SH2B3: variants seen among roughly 807,000 people sequenced by gnomAD.
The protein encoded by SH2B3 is SH2B adapter protein 3.
SH2B3 carries 43 observed loss-of-function variants against 51.9 expected under a neutral mutation model. That is an observed-to-expected ratio of 0.83 (90% CI 0.65 to 1.07). SH2B3 has a LOEUF of 1.07. SH2B3 is among the 50% of genes least tolerant of loss of function. The probability of loss-of-function intolerance (pLI) is 0.00; values close to 1 mark genes in which losing one functional copy is unlikely to be tolerated. For synonymous variants in SH2B3, 396 were observed against 376.0 expected, an observed-to-expected ratio of 1.05 and a Z score of -0.62; for missense variants, 952 against 834.3, an observed-to-expected ratio of 1.14 and a Z score of -1.74.
At chr12:111,442,491 A>C (rs1382028195) in intron 2 of SH2B3, among the ~76,000 whole-genome samples, 4 of 152,288 alleles carry the variant, frequency 2.6e-5, no homozygotes, top group African/African-American at 9.6e-5. Flanking sequence ...ATGTGGGCTC[A>C]AAGGCTCTGG....
At chr12:111,446,210 C>G (rs1194115448) in intron 2 of SH2B3, among the ~76,000 whole-genome samples, 1 of 152,240 alleles carries the variant, frequency 6.6e-6, no homozygotes, top group African/African-American at 2.4e-5. Flanking sequence ...CAGGAAGCAT[C>G]TGCAGGGTCA....
chr12:111,435,099 C>T lies in SH2B3; in HGVS notation c.733-11654C>T. 2.5e-6 allele frequency: 3 copies of T among 1,215,692 alleles called. No homozygotes were observed. Among genetic ancestry groups the T allele is most frequent in the South Asian group, 1.3e-5 (1 of 74,178 alleles). 75.3% of individuals were successfully genotyped at this position (1,215,692 alleles called of 1,614,324 possible). On this transcript the variant is annotated intron_variant, in intron 2 of 7. Coordinates refer to ENST00000341259, the MANE Select transcript of SH2B3 (RefSeq NM_005475.3). The surrounding 1 kb of genome is among the most constrained non-coding windows in gnomAD (Gnocchi z 4.8). ...GATGAGTCCCCTCTCCTCTGGTGCA[C>T]TCTCCCCACCCGAGACGGGCGACAG... is the stretch of plus-strand genomic sequence containing the variant.
rs1295065051 is a variant in SH2B3 at position 111,447,185 on chromosome 12, C to A, written c.987C>A (p.Ser329Arg). ...CAGCCCTAGAGCCTAGCACGTCCAG[C>A]TCCCCAAGGGGCAGCACAGATTCCC... ...IPSALEPSTS[S>R]SPRGSTDSLN... The change falls in exon 5 of 8, where the codon AGC (serine) becomes AGA (arginine). Residue 329 changes from serine to arginine, a missense_variant. Physicochemically the swap from Ser to Arg is moderately radical, Grantham distance 110 (BLOSUM62 -1). Transcript: ENST00000341259. The A allele has an allele frequency of 5.6e-6, 9 of 1,613,940 alleles. No individual in the cohort carries two copies. The East Asian group carries it at 2.0e-4, about 36-fold the overall frequency.
At position 111,434,753 on chromosome 12, in the gene SH2B3, T is replaced by G. The variant is rs535101869; in HGVS notation, c.733-12000T>G. ...CTTTTAATTATTTAATCCAGCTGGC[T>G]TTTGTTATGGGTGGCTGGTGTGATT... On this transcript the variant is annotated intron_variant, in intron 2 of 7. Transcript: ENST00000341259. 136 of 1,432,194 alleles carry G rather than the reference T, an allele frequency of 9.5e-5. No individual in the cohort carries two copies. The African/African-American group carries it at 1.8e-3, about 19-fold the overall frequency. 88.7% of individuals were successfully genotyped at this position (1,432,194 alleles called of 1,614,324 possible).
intron 2 of SH2B3, among the ~76,000 whole-genome samples, chr12:111,437,958 A>G (rs1873035741): frequency 6.6e-6 from 1 of 152,222 alleles, no homozygotes; most frequent in East Asian, 1.9e-4. Context: ...CCCAACCCCA[A>G]GAGGAACTCT....
chr12:111,411,864 C>T (rs1050619508), intron 1 of SH2B3, among the ~76,000 whole-genome samples: 4 of 152,352 alleles, frequency 2.6e-5, no homozygotes, highest in African/African-American at 9.6e-5. Context: ...CTGCCCCTCA[C>T]CTGGCTGCAG....
chr12:111,441,210 T>C (rs1205154632), intron 2 of SH2B3, among the ~76,000 whole-genome samples: 1 of 151,958 alleles, frequency 6.6e-6, no homozygotes, highest in Non-Finnish European at 1.5e-5. Context: ...ATCCTATCTC[T>C]ATCTCTACAA....
At chr12:111,419,778 A>G (rs1353365152) in intron 2 of SH2B3, among the ~76,000 whole-genome samples, 1 of 152,262 alleles carries the variant, frequency 6.6e-6, no homozygotes, top group African/African-American at 2.4e-5. Flanking sequence ...GCACGGGTAC[A>G]TCACTATTAG....
intron 1 of SH2B3, among the ~76,000 whole-genome samples, chr12:111,414,589 CAA>C (rs34941106): frequency 7.7e-5 from 10 of 129,862 alleles, no homozygotes; most frequent in Admixed American, 1.6e-4. Flanking sequence ...GACCCTGTCT[CAA>C]AAAAAAAAAA....
At position 111,449,092 on chromosome 12, in the gene SH2B3, G is replaced by C. The variant is rs1006493333; in HGVS notation, c.*790G>C. 3 of 152,594 alleles carry C rather than the reference G, an allele frequency of 2.0e-5. No homozygotes were observed. Among genetic ancestry groups the C allele is most frequent in the African/African-American group, 7.2e-5 (3 of 41,456 alleles). 9.5% of individuals were successfully genotyped at this position (152,594 alleles called of 1,614,324 possible). A position where few individuals can be genotyped will look rare whatever the true frequency, so the allele number is the denominator to read the frequency against. On this transcript the variant is annotated 3_prime_UTR_variant, in exon 8 of 8. Coordinates refer to ENST00000341259, the MANE Select transcript of SH2B3 (RefSeq NM_005475.3). ...GGCCACTGTCCTTCCTAAATGTCAAGAAGTGAAGTATGTCACCCTTTCAGG... is the reference window on the plus strand; with the variant it reads ...GGCCACTGTCCTTCCTAAATGTCAACAAGTGAAGTATGTCACCCTTTCAGG...
At chr12:111,414,277 A>C (rs1426035062) in intron 1 of SH2B3, among the ~76,000 whole-genome samples, 1 of 152,186 alleles carries the variant, frequency 6.6e-6, no homozygotes, top group Non-Finnish European at 1.5e-5. Flanking sequence ...TGCGGGTCCC[A>C]AGGACCCTGT....
At chr12:111,437,466 C>G (rs763157785) in intron 2 of SH2B3, among the ~76,000 whole-genome samples, 2 of 152,162 alleles carry the variant, frequency 1.3e-5, no homozygotes, top group Non-Finnish European at 2.9e-5. Context: ...GTCTAGGAGC[C>G]GCTGCCCTGT....
intron 1 of SH2B3, among the ~76,000 whole-genome samples, chr12:111,416,384 A>C (rs1452723985): frequency 3.3e-5 from 5 of 152,224 alleles, no homozygotes. Context: ...CCTATGAAGT[A>C]GGCATGATCA....
At chr12:111,404,967 G>A (rs1372801028), upstream of SH2B3, among the ~76,000 whole-genome samples, 1 of 152,176 alleles carries the variant, frequency 6.6e-6, no homozygotes, top group Non-Finnish European at 1.5e-5. Context: ...TGGGGGCGTG[G>A]GCGACTTGTT....
At chr12:111,432,516 T>C (rs188255648) in intron 2 of SH2B3, among the ~76,000 whole-genome samples, 75 of 152,350 alleles carry the variant, frequency 4.9e-4, no homozygotes, top group Non-Finnish European at 5.7e-4. Flanking sequence ...TATTGAGATA[T>C]AATTTACAAA....
At chr12:111,436,460 C>T (rs1252034187) in intron 2 of SH2B3, among the ~76,000 whole-genome samples, 4 of 152,192 alleles carry the variant, frequency 2.6e-5, no homozygotes, top group Non-Finnish European at 5.9e-5. Flanking sequence ...CCACCATAGC[C>T]GACTCGAGAG....
chr12:111,445,887 G>A (rs962507495), intron 2 of SH2B3, among the ~76,000 whole-genome samples: 1 of 152,254 alleles, frequency 6.6e-6, no homozygotes, highest in African/African-American at 2.4e-5. Context: ...CCAGTCCAAG[G>A]TATGCCCTTT....
intron 2 of SH2B3, among the ~76,000 whole-genome samples, chr12:111,430,532 G>C (rs1050332363): frequency 6.6e-6 from 1 of 152,020 alleles, no homozygotes; most frequent in Non-Finnish European, 1.5e-5. Context: ...GTTTGTTTTC[G>C]AGGCTGGTAT....
chr12:111,428,800 G>A (rs551647791), intron 2 of SH2B3, among the ~76,000 whole-genome samples: 4 of 152,196 alleles, frequency 2.6e-5, no homozygotes, highest in African/African-American at 7.2e-5. Context: ...GTGCCCGTCC[G>A]TCCTTGCCGT....
Sources: gnomAD v4.1 joint callset for allele counts (sites outside exome capture counted in the v4.1 genomes callset) on GRCh38, gnomAD v4.1.1 for gene constraint, Gnocchi (gnomAD v3.1) non-coding constraint, MANE v1.5 for transcripts, NCBI Gene and HGNC (gene_info 2026-07-23, HGNC 2026-07-21) for gene names.